Variants in SPTAN1 observed in about 807,000 individuals in gnomAD.
The protein encoded by SPTAN1 is spectrin alpha, non-erythrocytic 1, also known as spectrin alpha chain, non-erythrocytic 1.
A neutral mutation model predicts 331.3 loss-of-function variants in SPTAN1; 61 were observed. The observed-to-expected ratio is 0.18, with a 90% CI of 0.15 to 0.23. SPTAN1 has a LOEUF of 0.23. Among genes scored for constraint, SPTAN1 ranks in the 10% least tolerant of loss-of-function variants. The probability of loss-of-function intolerance (pLI) is 1.00; values close to 1 mark genes in which losing one functional copy is unlikely to be tolerated. For synonymous variants in SPTAN1, 1,153 were observed against 1,173.9 expected, an observed-to-expected ratio of 0.98 and a Z score of 0.36; for missense variants, 2,043 against 3,147.9, an observed-to-expected ratio of 0.65 and a Z score of 8.40.
intron 1 of SPTAN1, among the ~76,000 whole-genome samples, chr9:128,553,684 T>C (rs948346466): frequency 1.3e-5 from 2 of 152,256 alleles, no homozygotes. Context: ...TGGGTTGAGA[T>C]GATGCTTGAA....
In SPTAN1 at chr9:128,569,520, A is replaced by G. The variant is rs565165102; in HGVS notation, c.363+623A>G. Among the ~76,000 whole-genome samples the G allele has an allele frequency of 1.8e-3, 266 of 151,370 alleles. 1 individual carries two copies. The highest frequency in any genetic ancestry group is 4.4e-3 in the Admixed American group (67 of 15,074). On this transcript the variant is annotated intron_variant, in intron 3 of 56. Transcript: ENST00000372739. ...CTCTGCTTCGTTTCACATATCTAGTATGAAGATATTAAGGGAAAACAAACC... is the reference window on the plus strand; with the variant it reads ...CTCTGCTTCGTTTCACATATCTAGTGTGAAGATATTAAGGGAAAACAAACC...
chr9:128,614,198 T>C (rs568817946), intron 40 of SPTAN1, among the ~76,000 whole-genome samples: 2 of 152,204 alleles, frequency 1.3e-5, no homozygotes, highest in Non-Finnish European at 2.9e-5. Flanking sequence ...CTCACACCTG[T>C]AATCCCAGCA....
rs761455344 is a variant in SPTAN1, at chr9:128,577,414, G to T, written c.993G>T (p.Gln331His). 7.4e-6 allele frequency: 12 copies of T among 1,614,232 alleles called. No individual in the cohort carries two copies. The highest frequency in any genetic ancestry group is 4.4e-5 in the South Asian group (4 of 91,088). Reference sequence around the variant, plus strand: ...AGTCCCACCCTCTGAGTGCAACACAGATTCAAGTGAAGCGAGAGGAACTGA... The same window carrying T: ...AGTCCCACCCTCTGAGTGCAACACATATTCAAGTGAAGCGAGAGGAACTGA... Reference protein sequence around the residue: ...LQQSHPLSATQIQVKREELIT... With the variant: ...LQQSHPLSATHIQVKREELIT... The change falls in exon 8 of 57, where the codon CAG becomes CAT. Residue 331 changes from glutamine to histidine, a missense_variant. Transcript: ENST00000372739. This position sits in a 1 kb window ranked among gnomAD's most constrained non-coding sequence, Gnocchi z 4.2.
Position 128,563,426 on chromosome 9 carries a change from C to CA in SPTAN1, c.-3-3305dup, listed in dbSNP as rs762018589. Among the ~76,000 whole-genome samples, 8 of 150,838 alleles carry CA rather than the reference C, an allele frequency of 5.3e-5. No homozygotes were observed. The East Asian group carries it at 6.1e-4, about 11-fold the overall frequency. ...TGAGACCCTGCCAAAAAACAAAAAA[C>CA]AAAAAAACGCCACTTTCTCAGAGTA... On this transcript the variant is annotated intron_variant, in intron 1 of 56. Transcript: ENST00000372739.
At chr9:128,560,406 A>G (rs1219837506) in intron 1 of SPTAN1, among the ~76,000 whole-genome samples, 7 of 133,674 alleles carry the variant, frequency 5.2e-5, no homozygotes, top group Admixed American at 2.3e-4. Context: ...TTTGACACGG[A>G]GTCTAGCTCT....
chr9:128,553,719 CTT>C (rs1848368772), intron 1 of SPTAN1, among the ~76,000 whole-genome samples: 2 of 152,196 alleles, frequency 1.3e-5, no homozygotes, highest in Non-Finnish European at 2.9e-5. Flanking sequence ...AATCAGATCT[CTT>C]TTATATAATA....
chr9:128,628,549 CT>C (rs1859157006), intron 51 of SPTAN1: 3 of 243,444 alleles, frequency 1.2e-5, no homozygotes, highest in Admixed American at 5.1e-5. Context: ...AGGAGCAGGG[CT>C]GGGCTGTCCC....
rs774384865 is a variant in SPTAN1, at chr9:128,578,267, TC to T, written c.1221+24del. Reference sequence around the variant, plus strand: ...CAAGGTAATGGTATCTCTAGAATCTTCCAGAAGTGAAGATTTTAGCTTATAA... The same window carrying T: ...CAAGGTAATGGTATCTCTAGAATCTTCAGAAGTGAAGATTTTAGCTTATAA... On this transcript the variant is annotated intron_variant, in intron 9 of 56. Coordinates refer to ENST00000372739, the MANE Select transcript of SPTAN1 (RefSeq NM_001130438.3). 169 of 1,613,650 alleles carry T rather than the reference TC, an allele frequency of 1.0e-4. No individual in the cohort carries two copies. The African/African-American group carries it at 2.2e-3, about 21-fold the overall frequency.
chr9:128,558,757 G>A (rs1047115378), intron 1 of SPTAN1, among the ~76,000 whole-genome samples: 1 of 152,190 alleles, frequency 6.6e-6, no homozygotes, highest in Non-Finnish European at 1.5e-5. Context: ...GCAGCATGCA[G>A]CCTCGGTTGT....
intron 5 of SPTAN1, among the ~76,000 whole-genome samples, chr9:128,576,071 G>A (rs1012552429): frequency 3.3e-5 from 5 of 152,186 alleles, no homozygotes; most frequent in Admixed American, 2.6e-4. Flanking sequence ...CACAGTGACA[G>A]ATGTGTTGCT....
At chr9:128,567,845 C>G (rs557633372) in intron 2 of SPTAN1, among the ~76,000 whole-genome samples, 72 of 152,022 alleles carry the variant, frequency 4.7e-4, no homozygotes, top group Non-Finnish European at 8.7e-4. Context: ...ACTGCAACCT[C>G]TGCCTCCCAG....
In SPTAN1 at chr9:128,577,272, A is replaced by C; in HGVS notation, c.929A>C (p.Lys310Thr). 1 of 1,614,220 alleles carries C rather than the reference A, an allele frequency of 6.2e-7. No homozygotes were observed. The highest frequency in any genetic ancestry group is 8.5e-7 in the Non-Finnish European group (1 of 1,180,040). ...LERDLAALEDKVKALCAEADR... is the reference protein window; with the variant it reads ...LERDLAALEDTVKALCAEADR... ...AGAGATCTTGCTGCTCTAGAAGACAAGGTGGGTTTTACAAGCAGCTGATTC... is the reference window on the plus strand; with the variant it reads ...AGAGATCTTGCTGCTCTAGAAGACACGGTGGGTTTTACAAGCAGCTGATTC... The change falls in exon 7 of 57, where the codon AAG becomes ACG. Residue 310 changes from lysine to threonine, a missense_variant and splice_region_variant. By Grantham distance (78) the Lys-to-Thr change is moderately conservative. Coordinates refer to ENST00000372739, the MANE Select transcript of SPTAN1 (RefSeq NM_001130438.3). The surrounding 1 kb of genome is among the most constrained non-coding windows in gnomAD (Gnocchi z 4.2).
chr9:128,575,633 G>A (rs937033106), intron 5 of SPTAN1, among the ~76,000 whole-genome samples: 2 of 152,218 alleles, frequency 1.3e-5, no homozygotes, highest in Admixed American at 1.3e-4. Flanking sequence ...GCTGAAGCTA[G>A]GTCTCAGGGT....
chr9:128,604,245 A>T (rs113961410), intron 28 of SPTAN1, 81 bp from the exon 29 acceptor site: 13 of 1,423,868 alleles, frequency 9.1e-6, no homozygotes, highest in African/African-American at 5.6e-5. Context: ...TCTCCTTCAA[A>T]CAAAGTCATT....
At chr9:128,576,559 A>G (rs985904407) in intron 5 of SPTAN1, among the ~76,000 whole-genome samples, 18 of 152,242 alleles carry the variant, frequency 1.2e-4, no homozygotes, top group African/African-American at 4.3e-4. Flanking sequence ...TTATTAACAT[A>G]AAGGTTTTTG....
At chr9:128,578,300 A>G in intron 9 of SPTAN1, 55 bp downstream of exon 9, 2 of 1,606,622 alleles carry the variant, frequency 1.2e-6, no homozygotes, top group Non-Finnish European at 8.5e-7. Flanking sequence ...ATAATGCACC[A>G]GTTTATCAGT....
In SPTAN1 at chr9:128,616,243, C is replaced by G. The variant is rs556773400; in HGVS notation, c.5357+403C>G. 5.3e-4 allele frequency among the ~76,000 whole-genome samples: 81 copies of G among 151,626 alleles called. 2 individuals are homozygous for G. The highest frequency in any genetic ancestry group is 1.9e-3 in the African/African-American group (79 of 41,404). The stretch of plus-strand genomic sequence containing the variant: ...AACATTTTTTTTTCTGAGATGGAGT[C>G]TCGCTCTGTCACCAGGCTAGAATGC... On this transcript the variant is annotated intron_variant, in intron 41 of 56. Transcript: ENST00000372739.
At chr9:128,585,075 C>T (rs1439768856) in intron 18 of SPTAN1, among the ~76,000 whole-genome samples, 3 of 147,192 alleles carry the variant, frequency 2.0e-5, no homozygotes, top group East Asian at 2.0e-4. Flanking sequence ...AGTGCAGTGG[C>T]GCGGTCTCAG....
rs1240745286 is a variant in SPTAN1, at chr9:128,633,622, G to A, written c.*288G>A. 3.6e-5 allele frequency: 46 copies of A among 1,282,108 alleles called. No individual in the cohort carries two copies. The highest frequency in any genetic ancestry group is 4.9e-5 in the Non-Finnish European group (45 of 925,566). 79.4% of individuals were successfully genotyped at this position (1,282,108 alleles called of 1,614,324 possible). ...CTCTCTCCCACCCTCCCCCAAATCT[G>A]TTTTCATGTAAAAGACAAATAAATG... is the stretch of plus-strand genomic sequence containing the variant. On this transcript the variant is annotated 3_prime_UTR_variant, in exon 57 of 57. Coordinates refer to ENST00000372739, the MANE Select transcript of SPTAN1 (RefSeq NM_001130438.3).
Sources: gnomAD v4.1 joint callset for allele counts (sites outside exome capture counted in the v4.1 genomes callset) on GRCh38, gnomAD v4.1.1 for gene constraint, Gnocchi (gnomAD v3.1) non-coding constraint, MANE v1.5 for transcripts, NCBI Gene and HGNC (gene_info 2026-07-23, HGNC 2026-07-21) for gene names.